RSU1: variants seen among roughly 807,000 people sequenced by gnomAD.
The protein encoded by RSU1 is rsu-1.
A neutral mutation model predicts 31.1 loss-of-function variants in RSU1; 26 were observed. The ratio of observed to expected loss-of-function variants is 0.84; its 90% CI spans 0.61 to 1.16. The LOEUF (loss-of-function observed/expected upper bound fraction) is 1.16. RSU1 is among the 50% of genes most tolerant of loss of function. The pLI, the probability that RSU1 is intolerant of heterozygous loss-of-function variation, is 0.00. For synonymous variants in RSU1, 164 were observed against 136.3 expected (o/e 1.20, Z -1.41); for missense variants, 320 against 339.1 (o/e 0.94, Z 0.44).
At chr10:16,787,474 C>A (rs890743721) in intron 2 of RSU1, among the ~76,000 whole-genome samples, 3 of 152,164 alleles carry the variant, frequency 2.0e-5, no homozygotes, top group African/African-American at 4.8e-5. Context: ...CCGCAGGCCA[C>A]CCCTGAACGC....
intron 8 of RSU1, among the ~76,000 whole-genome samples, chr10:16,653,822 G>C (rs796916559): frequency 1.3e-5 from 2 of 152,022 alleles, no homozygotes; most frequent in South Asian, 4.2e-4. Flanking sequence ...CGAAAATTGG[G>C]GAGAGGGGAG....
At chr10:16,697,987 C>CTTTTTTTTTTT (rs67816326) in intron 7 of RSU1, among the ~76,000 whole-genome samples, 4 of 99,562 alleles carry the variant, frequency 4.0e-5, no homozygotes, top group East Asian at 3.3e-4. Context: ...AGGAACACAC[C>CTTTTTTTTTTT]TTTTTTTTTT....
chr10:16,661,832 T>C (rs1196947838), intron 8 of RSU1, among the ~76,000 whole-genome samples: 2 of 152,236 alleles, frequency 1.3e-5, no homozygotes, highest in African/African-American at 4.8e-5. Flanking sequence ...AGTCCTGGTC[T>C]CCTTTAGCAC....
intron 8 of RSU1, among the ~76,000 whole-genome samples, chr10:16,645,365 G>A (rs1483155900): frequency 6.6e-6 from 1 of 151,986 alleles, no homozygotes; most frequent in South Asian, 2.1e-4. Context: ...TGTCATAGAA[G>A]ATATCAGAAA....
chr10:16,697,428 G>A (rs895635977), intron 7 of RSU1, among the ~76,000 whole-genome samples: 9 of 152,170 alleles, frequency 5.9e-5, no homozygotes, highest in East Asian at 1.9e-4. Context: ...AGGCCAAGGC[G>A]GGTGGATCAC....
At chr10:16,735,184 A>T (rs1252743238) in intron 7 of RSU1, among the ~76,000 whole-genome samples, 2 of 152,262 alleles carry the variant, frequency 1.3e-5, no homozygotes, top group Admixed American at 6.5e-5. Flanking sequence ...GCATTAACAG[A>T]TAAGTTAAAA....
rs115268229 is a variant in RSU1, at chr10:16,696,238, T to C, written c.599-1083A>G. On this transcript the variant is annotated intron_variant, in intron 7 of 8. Transcript: ENST00000345264. ...ATTTTTGCTAAGACACAACCGAAGT[T>C]ACGTGCTGTTGCTGTTCCCAGGTTC... is the stretch of plus-strand genomic sequence containing the variant. 6.1e-3 allele frequency among the ~76,000 whole-genome samples: 926 copies of C among 152,272 alleles called. 10 individuals are homozygous for C. Among genetic ancestry groups the C allele is most frequent in the African/African-American group, 0.02 (849 of 41,540 alleles).
intron 4 of RSU1, among the ~76,000 whole-genome samples, chr10:16,757,601 G>C (rs1474432558): frequency 6.6e-6 from 1 of 152,206 alleles, no homozygotes; most frequent in African/African-American, 2.4e-5. Flanking sequence ...AGGTAAGATG[G>C]AGCTTGTCAT....
intron 7 of RSU1, chr10:16,748,453 G>A (rs1254470937): frequency 1.3e-5 from 2 of 152,086 alleles, no homozygotes; most frequent in Admixed American, 1.3e-4. Context: ...GGGCAATCCA[G>A]GATAATCTCC....
chr10:16,806,411 G>A (rs1385069616), intron 2 of RSU1, among the ~76,000 whole-genome samples: 1 of 152,172 alleles, frequency 6.6e-6, no homozygotes, highest in Non-Finnish European at 1.5e-5. Context: ...CTGCAGGTGT[G>A]GCTTCAAATC....
At chr10:16,629,240 A>G (rs1250615358) in intron 8 of RSU1, among the ~76,000 whole-genome samples, 1 of 152,148 alleles carries the variant, frequency 6.6e-6, no homozygotes, top group African/African-American at 2.4e-5. Flanking sequence ...ACAAGTTACC[A>G]GGTGATATCG....
At chr10:16,712,554 C>G (rs557861963) in intron 7 of RSU1, among the ~76,000 whole-genome samples, 2 of 152,256 alleles carry the variant, frequency 1.3e-5, no homozygotes, top group East Asian at 3.9e-4. Context: ...TTACAATAGA[C>G]TACATCAACC....
chr10:16,593,328 G>C lies in RSU1; in HGVS notation c.*66C>G. On this transcript the variant is annotated 3_prime_UTR_variant, in exon 9 of 9. Coordinates refer to ENST00000345264, the MANE Select transcript of RSU1 (RefSeq NM_012425.4). ...CAGCATTGGGTTTATTTGAGAGACAGGGCAAGAGAGAATGAAGTGTTGGAG... is the reference window on the plus strand; with the variant it reads ...CAGCATTGGGTTTATTTGAGAGACACGGCAAGAGAGAATGAAGTGTTGGAG... 1.2e-6 allele frequency: 2 copies of C among 1,610,626 alleles called. No individual in the cohort carries two copies. The highest frequency in any genetic ancestry group is 2.7e-5 in the African/African-American group (2 of 74,994).
intron 2 of RSU1, among the ~76,000 whole-genome samples, chr10:16,811,799 GA>G (rs1398795764): frequency 5.9e-5 from 9 of 152,194 alleles, no homozygotes; most frequent in Admixed American, 5.9e-4. Context: ...TCCTTCTCCA[GA>G]GCTATGCTTT....
At chr10:16,627,232 A>G (rs1361214913) in intron 8 of RSU1, among the ~76,000 whole-genome samples, 1 of 152,240 alleles carries the variant, frequency 6.6e-6, no homozygotes, top group Admixed American at 6.5e-5. Context: ...CGTTATAGCC[A>G]GAAACAAGTA....
At chr10:16,649,753 C>A (rs530117287) in intron 8 of RSU1, among the ~76,000 whole-genome samples, 5 of 152,180 alleles carry the variant, frequency 3.3e-5, no homozygotes, top group African/African-American at 1.2e-4. Flanking sequence ...GTGTTAATGT[C>A]CAAATTTTAC....
intron 7 of RSU1, among the ~76,000 whole-genome samples, chr10:16,738,878 G>A (rs369616411): frequency 2.5e-4 from 34 of 133,420 alleles, no homozygotes; most frequent in African/African-American, 8.9e-4. Context: ...CCCCCCCAGC[G>A]GACCCCAGGG....
At chr10:16,718,982 CA>C (rs796946983) in intron 7 of RSU1, among the ~76,000 whole-genome samples, 4,735 of 111,592 alleles carry the variant, frequency 0.042, 224 homozygotes, top group African/African-American at 0.16. Context: ...AACTTCATCT[CA>C]AAAAAAAAAA....
At chr10:16,674,743 C>T (rs12571438) in intron 8 of RSU1, among the ~76,000 whole-genome samples, 53,148 of 151,926 alleles carry the variant, frequency 0.35, 11,031 homozygotes, top group African/African-American at 0.57. Flanking sequence ...CATTTAGAAA[C>T]TGAATATAAG....
Sources: gnomAD v4.1 joint callset for allele counts (sites outside exome capture counted in the v4.1 genomes callset) on GRCh38, gnomAD v4.1.1 for gene constraint, MANE v1.5 for transcripts, NCBI Gene and HGNC (gene_info 2026-07-23, HGNC 2026-07-21) for gene names.